Variants in TGM7 observed in about 807,000 individuals in gnomAD.
TGM7 encodes the protein transglutaminase 7, also known as protein-glutamine gamma-glutamyltransferase Z.
Under a neutral mutation model 79.5 loss-of-function variants are expected in TGM7, and 74 were observed. The observed-to-expected ratio is 0.93, with a 90% confidence interval of 0.77 to 1.13. The LOEUF (loss-of-function observed/expected upper bound fraction) is 1.13. TGM7 is among the 50% of genes most tolerant of loss of function. The pLI is 0.00. For synonymous variants in TGM7, 354 were observed against 362.5 expected (o/e 0.98, Z 0.27); for missense variants, 912 against 905.9 (o/e 1.01, Z -0.09).
chr15:43,290,780 T>C (rs1202422138), intron 4 of TGM7, among the ~76,000 whole-genome samples: 1 of 152,214 alleles, frequency 6.6e-6, no homozygotes, highest in Non-Finnish European at 1.5e-5. Flanking sequence ...AGGTCCTTCA[T>C]GTCCCTTGTA....
rs1397260275 is a variant in TGM7, at chr15:43,279,794, G to C, written c.1509C>G (p.Gly503=). The C allele has an allele frequency of 6.2e-7, 1 of 1,614,180 alleles. No individual in the cohort carries two copies. Among genetic ancestry groups the C allele is most frequent in the East Asian group, 2.2e-5 (1 of 44,886 alleles). ...TACGCAGCAGCAGCTGCAGGTCCTG[G>C]CCCCACTCGGGTATCCTGGCCAGGT... ...QLHLARIPEW[G]QDLQLLLRIQ... is the part of the protein sequence containing the mutation. The change falls in exon 10 of 13, where the codon GGC becomes GGG. Residue 503 remains glycine, a synonymous_variant. Coordinates refer to ENST00000452443, the MANE Select transcript of TGM7 (RefSeq NM_052955.3).
chr15:43,276,813 C>T (rs1374093999), intron 12 of TGM7, 49 bp downstream of exon 12: 1 of 1,600,602 alleles, frequency 6.2e-7, no homozygotes, highest in South Asian at 1.1e-5. Context: ...CCATGGGGCA[C>T]CCCTTTCCTG....
At chr15:43,278,290 T>C (rs2042888215) in intron 11 of TGM7, among the ~76,000 whole-genome samples, 1 of 152,228 alleles carries the variant, frequency 6.6e-6, no homozygotes, top group South Asian at 2.1e-4. Context: ...AGGAAAACCC[T>C]GGTAGCAGGA....
In TGM7 at chr15:43,279,137, G is replaced by A. The variant is rs771557365; in HGVS notation, c.1819C>T (p.Pro607Ser). 11 of 1,613,766 alleles carry A rather than the reference G, an allele frequency of 6.8e-6. No individual in the cohort carries two copies. Among genetic ancestry groups the A allele is most frequent in the South Asian group, 6.6e-5 (6 of 91,062 alleles). Residue 607 changes from proline (P) to serine (S), a missense_variant, in exon 11 of 13, where the codon CCT becomes TCT. Pro to Ser is a moderately conservative substitution (Grantham distance 74). Coordinates refer to ENST00000452443, the MANE Select transcript of TGM7 (RefSeq NM_052955.3). Reference sequence around the variant, plus strand: ...ACTACCTCAATAGACAAGTGGGGAGGCTCCAGACAGATATCTTTTAGGACC... The same window carrying A: ...ACTACCTCAATAGACAAGTGGGGAGACTCCAGACAGATATCTTTTAGGACC... ...MLVLKDICLE[P>S]PHLSIEVSER...
Position 43,279,145 on chromosome 15 carries a change from C to T in TGM7, c.1811G>A (p.Cys604Tyr). The T allele has an allele frequency of 1.2e-6, 2 of 1,614,024 alleles. No individual in the cohort carries two copies. The highest frequency in any genetic ancestry group is 8.5e-7 in the Non-Finnish European group (1 of 1,179,996). Reference protein sequence around the residue: ...GRSMLVLKDICLEPPHLSIEV... With the variant: ...GRSMLVLKDIYLEPPHLSIEV... ...AATAGACAAGTGGGGAGGCTCCAGA[C>T]AGATATCTTTTAGGACCAGCATGGA... is the stretch of plus-strand genomic sequence containing the variant. Residue 604 changes from cysteine to tyrosine, a missense_variant, in exon 11 of 13, where the codon TGT (cysteine) becomes TAT (tyrosine). By Grantham distance (194) the Cys-to-Tyr change is radical. Coordinates refer to ENST00000452443, the MANE Select transcript of TGM7 (RefSeq NM_052955.3).
At chr15:43,278,468 T>C (rs1248190069) in intron 11 of TGM7, among the ~76,000 whole-genome samples, 1 of 152,206 alleles carries the variant, frequency 6.6e-6, no homozygotes, top group African/African-American at 2.4e-5. Flanking sequence ...CACCTTTTGT[T>C]TTGTTTTGTT....
At chr15:43,282,279 G>A (rs1192780721) in intron 8 of TGM7, among the ~76,000 whole-genome samples, 193 bp from the exon 9 acceptor site, 1 of 152,186 alleles carries the variant, frequency 6.6e-6, no homozygotes, top group African/African-American at 2.4e-5. Context: ...CTCATCATCA[G>A]CTTTTCCACT....
intron 1 of TGM7, among the ~76,000 whole-genome samples, chr15:43,298,586 C>G (rs1428707749): frequency 6.6e-6 from 1 of 152,050 alleles, no homozygotes; most frequent in East Asian, 1.9e-4. Flanking sequence ...AACCTTGTCT[C>G]TACTAAAAAT....
Position 43,293,512 on chromosome 15 carries a change from G to A in TGM7, c.130C>T (p.Arg44Trp), listed in dbSNP as rs529516892. ...TGGAAGGGTCGGCTGAAGCTCAGCC[G>A]GAGGTAGAAGGGCTGGCCGCGGCGC... ...TVRRGQPFYL[R>W]LSFSRPFQSQ... The change falls in exon 2 of 13, where the codon CGG becomes TGG. Residue 44 changes from arginine (R) to tryptophan (W), a missense_variant. Arg to Trp is a moderately radical substitution (Grantham distance 101). Transcript: ENST00000452443. 2.5e-6 allele frequency: 4 copies of A among 1,611,892 alleles called. No homozygotes were observed. Among genetic ancestry groups the A allele is most frequent in the South Asian group, 2.2e-5 (2 of 91,002 alleles).
chr15:43,298,626 G>A (rs1397240589), intron 1 of TGM7, among the ~76,000 whole-genome samples: 1 of 152,084 alleles, frequency 6.6e-6, no homozygotes, highest in African/African-American at 2.4e-5. Flanking sequence ...GGTGGTGGGT[G>A]CCTGTAGTCC....
intron 2 of TGM7, 72 bp downstream of exon 2, chr15:43,293,377 C>T (rs2042973470): frequency 1.3e-6 from 2 of 1,502,528 alleles, no homozygotes; most frequent in Non-Finnish European, 1.8e-6. Flanking sequence ...AAGGCAGGGG[C>T]CCCGCAGGCA....
chr15:43,280,666 C>T (rs895222477), intron 9 of TGM7, among the ~76,000 whole-genome samples: 1 of 152,116 alleles, frequency 6.6e-6, no homozygotes, highest in Non-Finnish European at 1.5e-5. Flanking sequence ...ATGGGGGCTA[C>T]TTAACATGGA....
At chr15:43,286,075 C>T (rs550321724) in intron 6 of TGM7, among the ~76,000 whole-genome samples, 7 of 152,338 alleles carry the variant, frequency 4.6e-5, no homozygotes, top group Admixed American at 3.3e-4. Context: ...ATATTGACAG[C>T]GACCAATCCT....
At chr15:43,283,812 C>T (rs931007678) in intron 7 of TGM7, among the ~76,000 whole-genome samples, 1 of 152,148 alleles carries the variant, frequency 6.6e-6, no homozygotes, top group Non-Finnish European at 1.5e-5. Context: ...CCCTAGCAAC[C>T]CTGTGAAGTA....
chr15:43,281,501 ATACT>A (rs1018728525), intron 9 of TGM7, among the ~76,000 whole-genome samples: 37 of 152,384 alleles, frequency 2.4e-4, no homozygotes, highest in African/African-American at 8.9e-4. Context: ...TATTTGGAAC[ATACT>A]TATATATTAA....
Position 43,276,589 on chromosome 15 carries a change from T to C in TGM7, c.1999A>G (p.Thr667Ala). 6.2e-7 allele frequency: 1 copy of C among 1,613,710 alleles called. No homozygotes were observed. The highest frequency in any genetic ancestry group is 8.5e-7 in the Non-Finnish European group (1 of 1,179,898). The change falls in exon 13 of 13, where the codon ACC (threonine) becomes GCC (alanine). Residue 667 changes from threonine (T) to alanine (A), a missense_variant. Thr to Ala is a moderately conservative substitution (Grantham distance 58). Coordinates refer to ENST00000452443, the MANE Select transcript of TGM7 (RefSeq NM_052955.3). ...KDLGTLVAGH[T>A]LQIQLDLYPT... is the part of the protein sequence containing the mutation. ...TAGAGGTCCAGTTGAATTTGGAGGG[T>C]GTGTCCGGCCACCAGAGTCCCAAGG...
chr15:43,279,707 A>G lies in TGM7; in HGVS notation c.1596T>C (p.Cys532=), dbSNP rs764276953. Residue 532 remains cysteine, a synonymous_variant, in exon 10 of 13, where the codon TGT becomes TGC. Coordinates refer to ENST00000452443, the MANE Select transcript of TGM7 (RefSeq NM_052955.3). ...CACCCCCATGCAGCAGGGCCTGTGCACAGAAGCGCACCACCAGTCCGATGG... is the reference window on the plus strand; with the variant it reads ...CACCCCCATGCAGCAGGGCCTGTGCGCAGAAGCGCACCACCAGTCCGATGG... The part of the protein sequence containing the change: ...RGPIGLVVRF[C]AQALLHGGGT... 2 of 1,614,008 alleles carry G rather than the reference A, an allele frequency of 1.2e-6. No individual in the cohort carries two copies. The highest frequency in any genetic ancestry group is 1.1e-5 in the South Asian group (1 of 91,086).
At chr15:43,284,343 T>TACACAC (rs10654403) in intron 7 of TGM7, among the ~76,000 whole-genome samples, 2 of 150,516 alleles carry the variant, frequency 1.3e-5, no homozygotes, top group African/African-American at 2.4e-5. Flanking sequence ...TGCACAGAGA[T>TACACAC]ACACACACAC....
In TGM7 at chr15:43,285,005, G is replaced by A. The variant is rs138283909; in HGVS notation, c.866-53C>T. The A allele has an allele frequency of 3.3e-4, 530 of 1,603,118 alleles. 5 individuals carry two copies. The African/African-American group carries it at 6.7e-3, about 20-fold the overall frequency. ...GAGTTCATTTCAGGCAGAATTATTG[G>A]TTTTCCATGCATAATTTGTAACTTT... On this transcript the variant is annotated intron_variant, in intron 6 of 12. Transcript: ENST00000452443.
Sources: allele counts gnomAD v4.1 joint callset (sites outside exome capture counted in the v4.1 genomes callset), GRCh38; gene constraint gnomAD v4.1.1; transcripts MANE v1.5; gene names NCBI Gene and HGNC (gene_info 2026-07-23, HGNC 2026-07-21).